SNAP91: variants seen among roughly 807,000 people sequenced by gnomAD.
SNAP91 encodes clathrin coat assembly protein AP180.
A neutral mutation model predicts 100.3 loss-of-function variants in SNAP91; 27 were observed. The observed-to-expected ratio is 0.27, with a 90% CI of 0.20 to 0.37. The LOEUF is 0.37. SNAP91 is among the 10% of genes least tolerant of loss of function. The pLI, the probability that SNAP91 is intolerant of heterozygous loss-of-function variation, is 1.00. For synonymous variants in SNAP91, 404 were observed against 398.6 expected, an observed-to-expected ratio of 1.01 and a Z score of -0.16; for missense variants, 986 against 1,123.7, an observed-to-expected ratio of 0.88 and a Z score of 1.75.
At position 83,605,818 on chromosome 6, in the gene SNAP91, A is replaced by C. The variant is rs760854584; in HGVS notation, c.1023-15T>G. 2.6e-6 allele frequency: 4 copies of C among 1,516,230 alleles called. No individual in the cohort carries two copies. The South Asian group carries it at 5.1e-5, about 19-fold the overall frequency. 93.9% of individuals were successfully genotyped at this position (1,516,230 alleles called of 1,614,324 possible). On this transcript the variant is annotated splice_polypyrimidine_tract_variant and intron_variant, in intron 13 of 29. Coordinates refer to ENST00000369694, the MANE Select transcript of SNAP91 (RefSeq NM_001242792.2). ...GTTTAGAAGTGCTGAAAGGAAAATA[A>C]AACATTAAAATCAGATTTTGAAATT... is the stretch of plus-strand genomic sequence containing the variant.
intron 28 of SNAP91, 82 bp from the exon 29 acceptor site, chr6:83,556,327 GAGA>G (rs1364862451): frequency 1.4e-5 from 2 of 139,706 alleles, no homozygotes; most frequent in Admixed American, 1.6e-4. Context: ...GGGGCAGGGG[GAGA>G]GAGGGAGAGG....
intron 10 of SNAP91, 41 bp from the exon 11 acceptor site, chr6:83,614,903 T>G (rs898892779): frequency 6.5e-7 from 1 of 1,535,188 alleles, no homozygotes; most frequent in Non-Finnish European, 8.9e-7. Context: ...AAGAAGAGAA[T>G]AGTTAACTAT....
intron 26 of SNAP91, among the ~76,000 whole-genome samples, chr6:83,566,773 A>G (rs1186737360): frequency 6.6e-6 from 1 of 152,188 alleles, no homozygotes; most frequent in African/African-American, 2.4e-5. Context: ...GAAATTGCCA[A>G]CGAACAGATT....
At chr6:83,698,606 G>A (rs2099253002) in intron 2 of SNAP91, among the ~76,000 whole-genome samples, 1 of 152,126 alleles carries the variant, frequency 6.6e-6, no homozygotes, top group African/African-American at 2.4e-5. Flanking sequence ...AGGAGACGAG[G>A]GAAAATGTGT....
chr6:83,570,879 G>A (rs1321219461), intron 26 of SNAP91, among the ~76,000 whole-genome samples: 1 of 152,200 alleles, frequency 6.6e-6, no homozygotes, highest in Non-Finnish European at 1.5e-5. Context: ...AGAGGGAAAT[G>A]TGGGATGGGG....
At chr6:83,622,536 T>A (rs1027453643) in intron 9 of SNAP91, among the ~76,000 whole-genome samples, 2 of 152,100 alleles carry the variant, frequency 1.3e-5, no homozygotes, top group African/African-American at 4.8e-5. Flanking sequence ...CTCTGTGTTT[T>A]CTCCTATCAT....
chr6:83,653,155 C>A (rs566459166), intron 7 of SNAP91, among the ~76,000 whole-genome samples: 1 of 152,126 alleles, frequency 6.6e-6, no homozygotes, highest in African/African-American at 2.4e-5. Flanking sequence ...AATTCTCTGT[C>A]GTTATTATTT....
chr6:83,601,656 T>C, intron 14 of SNAP91, 57 bp from the exon 15 acceptor site: 3 of 1,552,174 alleles, frequency 1.9e-6, no homozygotes, highest in Non-Finnish European at 2.7e-6. Context: ...AGTTGAAACA[T>C]GCAACCATAC....
intron 7 of SNAP91, among the ~76,000 whole-genome samples, chr6:83,644,955 T>C (rs1021295482): frequency 6.6e-6 from 1 of 152,200 alleles, no homozygotes; most frequent in Non-Finnish European, 1.5e-5. Context: ...TTCAAAATGC[T>C]AGTCTGAGCA....
chr6:83,626,915 G>A (rs1034685601), intron 8 of SNAP91, among the ~76,000 whole-genome samples: 1 of 151,974 alleles, frequency 6.6e-6, no homozygotes. Flanking sequence ...GTGAAAGTGG[G>A]CATCATTTTC....
intron 6 of SNAP91, 108 bp downstream of exon 6, chr6:83,658,891 A>C: frequency 1.3e-6 from 1 of 770,952 alleles, no homozygotes; most frequent in Non-Finnish European, 2.1e-6. Context: ...CATCTAAATG[A>C]AGATCTATAG....
chr6:83,595,762 C>G (rs903973396), intron 16 of SNAP91, among the ~76,000 whole-genome samples: 9 of 152,160 alleles, frequency 5.9e-5, no homozygotes, highest in Non-Finnish European at 1.2e-4. Flanking sequence ...AGTACATGCT[C>G]TTCCTTGGTG....
intron 8 of SNAP91, among the ~76,000 whole-genome samples, chr6:83,638,820 G>C (rs768282261): frequency 2.6e-5 from 4 of 152,138 alleles, no homozygotes; most frequent in Admixed American, 1.3e-4. Context: ...ATCACTTTCT[G>C]TCTGCAAATA....
At chr6:83,651,854 C>T (rs963072982) in intron 7 of SNAP91, among the ~76,000 whole-genome samples, 1 of 152,114 alleles carries the variant, frequency 6.6e-6, no homozygotes, top group Non-Finnish European at 1.5e-5. Flanking sequence ...AGATCCAAAT[C>T]TACCAGTAGA....
In SNAP91 at chr6:83,605,802, T is replaced by C. The variant is rs2095572428; in HGVS notation, c.1024A>G (p.Thr342Ala). ...ATASAAVPVS[T>A]SKPSSDLLDL... ...AGGAGATCACTAGATGGTTTAGAAG[T>C]GCTGAAAGGAAAATAAAACATTAAA... The change falls in exon 14 of 30, where the codon ACT becomes GCT. Residue 342 changes from threonine to alanine, a missense_variant and splice_region_variant. This residue lies in a region of SNAP91 where 330 missense variants were observed against 447.5 expected (regional missense o/e 0.74). Coordinates refer to ENST00000369694, the MANE Select transcript of SNAP91 (RefSeq NM_001242792.2). The C allele has an allele frequency of 2.0e-6, 3 of 1,525,196 alleles. No individual in the cohort carries two copies. The highest frequency in any genetic ancestry group is 1.8e-6 in the Non-Finnish European group (2 of 1,135,084). The allele number at this position is 1,525,196 out of a possible 1,614,324, so 94.5% of individuals were successfully genotyped here. A position where few individuals can be genotyped will look rare whatever the true frequency, so the allele number is the denominator to read the frequency against.
At chr6:83,636,237 T>G (rs550264695) in intron 8 of SNAP91, among the ~76,000 whole-genome samples, 11 of 152,216 alleles carry the variant, frequency 7.2e-5, no homozygotes, top group Non-Finnish European at 1.6e-4. Context: ...TAAATTTTTG[T>G]GGATTATATC....
At chr6:83,643,069 T>A (rs1324240555) in intron 7 of SNAP91, among the ~76,000 whole-genome samples, 3 of 152,166 alleles carry the variant, frequency 2.0e-5, no homozygotes, top group Non-Finnish European at 4.4e-5. Flanking sequence ...GTTTGAGTTC[T>A]TTGTAGATTC....
chr6:83,611,977 T>A (rs1049263508), intron 11 of SNAP91, among the ~76,000 whole-genome samples: 1 of 146,984 alleles, frequency 6.8e-6, no homozygotes, highest in African/African-American at 2.5e-5. Context: ...TGCCTCGGCC[T>A]CCCAAAGTGC....
intron 2 of SNAP91, among the ~76,000 whole-genome samples, chr6:83,703,359 T>A (rs191876831): frequency 6.6e-6 from 1 of 152,250 alleles, no homozygotes; most frequent in East Asian, 1.9e-4. Context: ...CCTACTAAAT[T>A]ATCACAAATA....
Sources: allele counts gnomAD v4.1 joint callset (sites outside exome capture counted in the v4.1 genomes callset), GRCh38; gene constraint gnomAD v4.1.1; regional missense constraint gnomAD v4.1.1; transcripts MANE v1.5; gene names NCBI Gene and HGNC (gene_info 2026-07-23, HGNC 2026-07-21).